The following SLC24A2 variants were observed in gnomAD, a reference collection of about 807,000 sequenced individuals.
SLC24A2 encodes the protein sodium/potassium/calcium exchanger 2.
In SLC24A2, 36 loss-of-function variants were observed where a neutral mutation model predicts 62.0. The ratio of observed to expected loss-of-function variants is 0.58; its 90% CI spans 0.44 to 0.77. The LOEUF (loss-of-function observed/expected upper bound fraction) is 0.77, where lower values mean the gene tolerates loss of function less well. SLC24A2 is among the 30% of genes least tolerant of loss of function. SLC24A2 has a pLI of 0.00. For missense variants in SLC24A2, 846 were observed against 817.9 expected, an observed-to-expected ratio of 1.03 and a Z score of -0.42; for synonymous variants, 358 against 294.0, an observed-to-expected ratio of 1.22 and a Z score of -2.23.
chr9:19,701,280 T>C (rs1452356732), intron 2 of SLC24A2, among the ~76,000 whole-genome samples: 2 of 152,240 alleles, frequency 1.3e-5, no homozygotes, highest in African/African-American at 2.4e-5. Context: ...CGGAATCCGC[T>C]AGTGCCCAGT....
chr9:20,159,564 T>A, the SLC24A2 span, among the ~76,000 whole-genome samples: 1 of 151,596 alleles, frequency 6.6e-6, no homozygotes, highest in Non-Finnish European at 1.5e-5. Context: ...AAGAGTAGTA[T>A]GTGTGACAAA....
chr9:19,860,198 C>G, the SLC24A2 span, among the ~76,000 whole-genome samples: 1 of 152,132 alleles, frequency 6.6e-6, no homozygotes, highest in Non-Finnish European at 1.5e-5. Flanking sequence ...CTTCCTTTGC[C>G]TGAGGAGAGG....
the SLC24A2 span, among the ~76,000 whole-genome samples, chr9:20,254,748 C>A: frequency 1.3e-5 from 2 of 152,108 alleles, no homozygotes; most frequent in Non-Finnish European, 2.9e-5. Flanking sequence ...CTGTATTAGT[C>A]CATTCTCACA....
At chr9:19,906,280 G>A in the SLC24A2 span, among the ~76,000 whole-genome samples, 2 of 151,548 alleles carry the variant, frequency 1.3e-5, no homozygotes, top group African/African-American at 2.4e-5. Context: ...TGAAACCAAC[G>A]AGAACAAAGA....
At chr9:20,166,615 A>G in the SLC24A2 span, among the ~76,000 whole-genome samples, 1 of 151,988 alleles carries the variant, frequency 6.6e-6, no homozygotes, top group Non-Finnish European at 1.5e-5. Flanking sequence ...TTATTTTTGC[A>G]AAAAGAAACA....
At chr9:19,906,240 C>T in the SLC24A2 span, among the ~76,000 whole-genome samples, 242 of 151,904 alleles carry the variant, frequency 1.6e-3, 1 homozygote, top group Non-Finnish European at 2.3e-3. Flanking sequence ...GGGTACATAA[C>T]GAAATGAAGG....
chr9:19,557,748 C>CT (rs10711958), intron 7 of SLC24A2, among the ~76,000 whole-genome samples: 1,613 of 141,536 alleles, frequency 0.011, 21 homozygotes, highest in African/African-American at 0.027. Context: ...ATTTAATTGA[C>CT]TTTTTTTTTT....
chr9:20,071,475 T>C, the SLC24A2 span, among the ~76,000 whole-genome samples: 1 of 152,212 alleles, frequency 6.6e-6, no homozygotes, highest in Non-Finnish European at 1.5e-5. Flanking sequence ...GTATTTTGCA[T>C]GTGCAATGGA....
intron 2 of SLC24A2, among the ~76,000 whole-genome samples, chr9:19,658,887 G>A (rs1819014313): frequency 1.3e-5 from 2 of 152,158 alleles, no homozygotes; most frequent in African/African-American, 2.4e-5. Flanking sequence ...AGGTATCAGA[G>A]GGTTCCAGTT....
At chr9:20,200,336 G>A in the SLC24A2 span, among the ~76,000 whole-genome samples, 2 of 152,258 alleles carry the variant, frequency 1.3e-5, no homozygotes, top group African/African-American at 4.8e-5. Flanking sequence ...TGTGTACCTT[G>A]CCAGGTGGGT....
the SLC24A2 span, among the ~76,000 whole-genome samples, chr9:19,987,561 C>A: frequency 6.6e-6 from 1 of 152,274 alleles, no homozygotes; most frequent in South Asian, 2.1e-4. Flanking sequence ...GCCCCACTTA[C>A]CAGGTTCCAC....
chr9:19,575,778 A>G (rs1315030748), intron 6 of SLC24A2, among the ~76,000 whole-genome samples: 2 of 152,194 alleles, frequency 1.3e-5, no homozygotes, highest in African/African-American at 4.8e-5. Flanking sequence ...TTTTACTCCA[A>G]GCTACCTCAT....
At chr9:20,074,610 G>GGAGT in the SLC24A2 span, among the ~76,000 whole-genome samples, 1 of 127,542 alleles carries the variant, frequency 7.8e-6, no homozygotes, top group African/African-American at 2.9e-5. Context: ...AGGAAAGAAG[G>GGAGT]GAGTGAGGGA....
At chr9:19,924,904 A>T in the SLC24A2 span, among the ~76,000 whole-genome samples, 2 of 152,210 alleles carry the variant, frequency 1.3e-5, no homozygotes, top group African/African-American at 4.8e-5. Context: ...AATGCAGCAC[A>T]GACAGAATGA....
intron 2 of SLC24A2, among the ~76,000 whole-genome samples, chr9:19,659,045 T>A (rs1433428410): frequency 6.6e-6 from 1 of 152,174 alleles, no homozygotes; most frequent in African/African-American, 2.4e-5. Context: ...TACTTTAGGA[T>A]GCAATCTTAT....
chr9:19,528,674 G>A (rs920887300), intron 8 of SLC24A2, among the ~76,000 whole-genome samples: 1 of 152,076 alleles, frequency 6.6e-6, no homozygotes, highest in African/African-American at 2.4e-5. Flanking sequence ...AAATTATCAA[G>A]AAAGTCACAC....
chr9:20,296,377 T>G, the SLC24A2 span, among the ~76,000 whole-genome samples: 1 of 152,348 alleles, frequency 6.6e-6, no homozygotes, highest in South Asian at 2.1e-4. Flanking sequence ...TCATTTCTAG[T>G]ACTGGTGATA....
chr9:20,011,676 G>T, the SLC24A2 span, among the ~76,000 whole-genome samples: 1 of 152,106 alleles, frequency 6.6e-6, no homozygotes, highest in Admixed American at 6.6e-5. Flanking sequence ...CCAATTTGGG[G>T]AAAGATAATA....
At chr9:19,830,437 G>C in the SLC24A2 span, among the ~76,000 whole-genome samples, 1 of 152,140 alleles carries the variant, frequency 6.6e-6, no homozygotes, top group East Asian at 1.9e-4. Context: ...TGTGAGATAA[G>C]AATTAGTAGT....
Sources: allele counts gnomAD v4.1 joint callset (sites outside exome capture counted in the v4.1 genomes callset), GRCh38; gene constraint gnomAD v4.1.1; transcripts MANE v1.5; gene names NCBI Gene and HGNC (gene_info 2026-07-23, HGNC 2026-07-21).